The following SEMA3A variants were observed in gnomAD, a reference collection of about 807,000 sequenced individuals.
SEMA3A encodes the protein semaphorin 3A.
In SEMA3A, 29 loss-of-function variants were observed where a neutral mutation model predicts 97.9. The observed-to-expected ratio is 0.30, with a 90% CI of 0.22 to 0.40. The LOEUF (loss-of-function observed/expected upper bound fraction) is 0.40, where lower values mean the gene tolerates loss of function less well. SEMA3A is among the 10% of genes least tolerant of loss of function. The pLI is 1.00. For synonymous variants in SEMA3A, 321 were observed against 323.7 expected, an observed-to-expected ratio of 0.99 and a Z score of 0.09; for missense variants, 763 against 951.3, an observed-to-expected ratio of 0.80 and a Z score of 2.60.
At chr7:84,198,366 T>C (rs2116290496), upstream of SEMA3A, among the ~76,000 whole-genome samples, 1 of 152,116 alleles carries the variant, frequency 6.6e-6, no homozygotes, top group South Asian at 2.1e-4. Flanking sequence ...CAGCTAATTG[T>C]ATTTTTAGTA....
At chr7:83,983,891 C>T (rs1388525861) in intron 13 of SEMA3A, among the ~76,000 whole-genome samples, 2 of 152,126 alleles carry the variant, frequency 1.3e-5, no homozygotes, top group Admixed American at 1.3e-4. Flanking sequence ...ACTTGCAACA[C>T]TACTTGTCCC....
chr7:84,093,721 T>C lies in SEMA3A; in HGVS notation c.453+16749A>G, dbSNP rs117482126. Among the ~76,000 whole-genome samples, 201 of 152,154 alleles carry C rather than the reference T, an allele frequency of 1.3e-3. 1 individual carries two copies. The East Asian group carries it at 0.017, about 13-fold the overall frequency. ...ACAGAAAACCAGACACTGCATGTTC[T>C]CATTTATAAGTGGGAGTTGAACAAT... On this transcript the variant is annotated intron_variant, in intron 4 of 16. Transcript: ENST00000265362.
intron 3 of SEMA3A, among the ~76,000 whole-genome samples, chr7:84,267,989 G>A (rs894467822): frequency 6.6e-6 from 1 of 152,032 alleles, no homozygotes; most frequent in Non-Finnish European, 1.5e-5. Flanking sequence ...AATATGCAAA[G>A]TTTATTTGAA....
intron 1 of SEMA3A, among the ~76,000 whole-genome samples, chr7:84,180,732 CT>C: frequency 6.6e-6 from 1 of 151,776 alleles, no homozygotes; most frequent in African/African-American, 2.4e-5. Context: ...ATAAATTAAC[CT>C]GATGATACAC....
At chr7:84,077,504 A>G (rs1476423534) in intron 4 of SEMA3A, among the ~76,000 whole-genome samples, 2 of 152,070 alleles carry the variant, frequency 1.3e-5, no homozygotes, top group African/African-American at 4.8e-5. Context: ...GTTTCTTTAC[A>G]TTTCAAGATT....
chr7:84,088,086 G>A (rs1474995359), intron 4 of SEMA3A, among the ~76,000 whole-genome samples: 1 of 152,086 alleles, frequency 6.6e-6, no homozygotes, highest in Non-Finnish European at 1.5e-5. Context: ...TTCTGAGGGC[G>A]GGAAACATGT....
intron 6 of SEMA3A, among the ~76,000 whole-genome samples, chr7:84,028,855 G>A (rs1193409455): frequency 2.0e-5 from 3 of 152,044 alleles, no homozygotes; most frequent in Admixed American, 6.6e-5. Context: ...TCCTGACCTC[G>A]TGATCTGCCC....
Position 84,457,191 on chromosome 7 carries a change from A to C in SEMA3A, c.-246+35269T>G, listed in dbSNP as rs991891284. Among the ~76,000 whole-genome samples the C allele has an allele frequency of 4.0e-5, 6 of 151,892 alleles. No individual in the cohort carries two copies. In the South Asian group the frequency reaches 8.3e-4, roughly 21 times the overall value. ...TTAGGATGAGTGGATGAATAGGAAA[A>C]ATGGCAATTTTCTAGTTTTCCTGAG... On this transcript the variant is annotated intron_variant, in intron 1 of 3. Transcript: ENST00000424555.
intron 1 of SEMA3A, among the ~76,000 whole-genome samples, chr7:84,181,560 T>G (rs1342349032): frequency 6.6e-6 from 1 of 152,106 alleles, no homozygotes; most frequent in Admixed American, 6.5e-5. Flanking sequence ...ATTTGCCTTT[T>G]AATATTGTAT....
chr7:84,046,386 A>T lies in SEMA3A; in HGVS notation c.605T>A (p.Phe202Tyr). 1 of 1,613,242 alleles carries T rather than the reference A, an allele frequency of 6.2e-7. No individual in the cohort carries two copies. Among genetic ancestry groups the T allele is most frequent in the South Asian group, 1.1e-5 (1 of 91,072 alleles). Residue 202 changes from phenylalanine (F) to tyrosine (Y), a missense_variant, in exon 6 of 17, where the codon TTC becomes TAC. Physicochemically the swap from Phe to Tyr is conservative, Grantham distance 22. Around this residue, in one of 2 missense-constraint regions of SEMA3A, gnomAD observed 678 missense variants for 881.3 expected, o/e 0.77. Transcript: ENST00000265362. Reference sequence around the variant, plus strand: ...TGGGTGGTGGTGCCCAAGAGTTCGGAAGATAGCAAAGTCTCGCCCCATAAA... The same window carrying T: ...TGGGTGGTGGTGCCCAAGAGTTCGGTAGATAGCAAAGTCTCGCCCCATAAA... ...ADFMGRDFAIFRTLGHHHPIR... is the reference protein window; with the variant it reads ...ADFMGRDFAIYRTLGHHHPIR...
intron 3 of SEMA3A, among the ~76,000 whole-genome samples, chr7:84,224,832 A>G (rs897809177): frequency 5.9e-5 from 9 of 152,030 alleles, no homozygotes. Flanking sequence ...AACTCTACAT[A>G]GAAGTTAACT....
At chr7:84,408,343 A>T (rs920428764) in intron 1 of SEMA3A, among the ~76,000 whole-genome samples, 1 of 152,138 alleles carries the variant, frequency 6.6e-6, no homozygotes, top group South Asian at 2.1e-4. Context: ...CCACAATGAG[A>T]TATCATCTCA....
rs985255727 is a variant in SEMA3A, at chr7:84,483,483, T to C, written c.-246+8977A>G. On this transcript the variant is annotated intron_variant, in intron 1 of 3. Transcript: ENST00000424555. The stretch of plus-strand genomic sequence containing the variant: ...TCTTGTTATAAAAGATATCATTTTT[T>C]ATAGAGAAGGAGGCTTTCAAGCCAG... Among the ~76,000 whole-genome samples the C allele has an allele frequency of 5.9e-5, 9 of 152,288 alleles. No individual in the cohort carries two copies. The South Asian group carries it at 6.2e-4, about 11-fold the overall frequency.
intron 1 of SEMA3A, among the ~76,000 whole-genome samples, chr7:84,424,910 AATAT>A (rs375982304): frequency 8.7e-4 from 85 of 97,916 alleles, no homozygotes; most frequent in African/African-American, 3.3e-3. Context: ...TATAAACATA[AATAT>A]ATATATATAT....
At chr7:84,031,629 T>A (rs534252241) in intron 6 of SEMA3A, among the ~76,000 whole-genome samples, 1 of 151,410 alleles carries the variant, frequency 6.6e-6, no homozygotes, top group East Asian at 2.0e-4. Flanking sequence ...AGGTTGGGAG[T>A]TCGAGACTAG....
intron 1 of SEMA3A, among the ~76,000 whole-genome samples, chr7:84,167,033 A>G (rs1021374780): frequency 2.1e-5 from 1 of 47,584 alleles, no homozygotes; most frequent in African/African-American, 5.3e-5. Context: ...GAATGAACGA[A>G]TACTGCAAAA....
intron 4 of SEMA3A, among the ~76,000 whole-genome samples, chr7:84,073,227 C>T (rs891469586): frequency 1.3e-4 from 19 of 151,792 alleles, no homozygotes; most frequent in African/African-American, 4.6e-4. Flanking sequence ...TTGATTGAGT[C>T]CTTCAAAATA....
chr7:84,349,534 T>C lies in SEMA3A; in HGVS notation c.-169+22290A>G, dbSNP rs17158912. Among the ~76,000 whole-genome samples, 2,220 of 152,150 alleles carry C rather than the reference T, an allele frequency of 0.015. 98 individuals are homozygous for C. The East Asian group carries it at 0.15, about 10-fold the overall frequency. On this transcript the variant is annotated intron_variant, in intron 2 of 3. Coordinates refer to the SEMA3A transcript ENST00000424555. The stretch of plus-strand genomic sequence containing the variant: ...AGCAAGGCAGTGAGTTCACAGATGG[T>C]TTTCCTGAATAAGTGAGCATAGGTG...
chr7:84,052,923 C>T (rs1320717625), intron 5 of SEMA3A, among the ~76,000 whole-genome samples: 2 of 151,528 alleles, frequency 1.3e-5, no homozygotes, highest in African/African-American at 2.4e-5. Flanking sequence ...TCTTTGTTCT[C>T]GTTGGTTTCA....
Sources: allele counts gnomAD v4.1 joint callset (sites outside exome capture counted in the v4.1 genomes callset), GRCh38; gene constraint gnomAD v4.1.1; regional missense constraint gnomAD v4.1.1; transcripts MANE v1.5; gene names NCBI Gene and HGNC (gene_info 2026-07-23, HGNC 2026-07-21).